Variants in TMEM132D observed in about 807,000 individuals in gnomAD.
TMEM132D encodes the protein mature OL transmembrane protein.
In TMEM132D, 21 loss-of-function variants were observed where a neutral mutation model predicts 62.3. The observed-to-expected ratio is 0.34, with a 90% CI of 0.24 to 0.49. The LOEUF is 0.49. Among genes scored for constraint, TMEM132D ranks in the 20% least tolerant of loss-of-function variants. The probability of loss-of-function intolerance (pLI) is 0.99; values close to 1 mark genes in which losing one functional copy is unlikely to be tolerated. For synonymous variants in TMEM132D, 621 were observed against 575.6 expected (o/e 1.08, Z -1.13); for missense variants, 1,346 against 1,402.8 (o/e 0.96, Z 0.65).
At chr12:129,493,631 C>T (rs2137061981) in intron 3 of TMEM132D, among the ~76,000 whole-genome samples, 1 of 152,320 alleles carries the variant, frequency 6.6e-6, no homozygotes, top group Non-Finnish European at 1.5e-5. Context: ...TACCAGCTGC[C>T]ATATAGATGG....
chr12:129,304,662 CTTTTT>C (rs35812965), intron 4 of TMEM132D, among the ~76,000 whole-genome samples: 1 of 93,606 alleles, frequency 1.1e-5, no homozygotes, highest in African/African-American at 4.1e-5. Flanking sequence ...ATACTTGGAT[CTTTTT>C]TTTTTTTTTT....
intron 1 of TMEM132D, among the ~76,000 whole-genome samples, chr12:129,864,160 C>G (rs1873986181): frequency 6.6e-6 from 1 of 152,072 alleles, no homozygotes; most frequent in Non-Finnish European, 1.5e-5. Context: ...ACTCAAGCAG[C>G]CCCGCAGAGT....
intron 2 of TMEM132D, among the ~76,000 whole-genome samples, chr12:129,650,230 G>C (rs772263439): frequency 1.3e-5 from 2 of 151,908 alleles, no homozygotes; most frequent in Non-Finnish European, 2.9e-5. Flanking sequence ...CCTATTGTAC[G>C]CATCTACCTG....
At chr12:129,537,622 C>A (rs542545266) in intron 2 of TMEM132D, among the ~76,000 whole-genome samples, 27 of 152,322 alleles carry the variant, frequency 1.8e-4, no homozygotes, top group Admixed American at 6.5e-4. Context: ...AGACCTGTGA[C>A]TTCAATGCAA....
At chr12:129,891,817 A>G (rs1340062592) in intron 1 of TMEM132D, among the ~76,000 whole-genome samples, 1 of 152,232 alleles carries the variant, frequency 6.6e-6, no homozygotes, top group Non-Finnish European at 1.5e-5. Context: ...ATGTAAACAC[A>G]TGAACTCGAA....
At chr12:129,159,072 T>A (rs1877325869) in intron 5 of TMEM132D, among the ~76,000 whole-genome samples, 1 of 152,180 alleles carries the variant, frequency 6.6e-6, no homozygotes, top group Non-Finnish European at 1.5e-5. Flanking sequence ...CAATTCCAGA[T>A]GAGATTTGGG....
chr12:129,734,692 T>C (rs1869362892), intron 1 of TMEM132D, among the ~76,000 whole-genome samples: 1 of 152,190 alleles, frequency 6.6e-6, no homozygotes, highest in Non-Finnish European at 1.5e-5. Context: ...GTTTAATTAA[T>C]TTAAAAAATT....
At chr12:129,264,910 TG>T (rs1269718296) in intron 4 of TMEM132D, among the ~76,000 whole-genome samples, 1 of 151,968 alleles carries the variant, frequency 6.6e-6, no homozygotes, top group Non-Finnish European at 1.5e-5. Context: ...TTTGGGAACT[TG>T]GGGGTAAGAG....
At chr12:129,441,948 T>C (rs1872948578) in intron 3 of TMEM132D, among the ~76,000 whole-genome samples, 3 of 152,072 alleles carry the variant, frequency 2.0e-5, no homozygotes. Flanking sequence ...CTCATGGACA[T>C]AAAGATGGCA....
At chr12:129,623,352 G>T (rs926539822) in intron 2 of TMEM132D, among the ~76,000 whole-genome samples, 3 of 152,092 alleles carry the variant, frequency 2.0e-5, no homozygotes, top group African/African-American at 7.2e-5. Context: ...ATATAGTGGT[G>T]AAGGCTGGGC....
chr12:129,735,898 CA>C (rs1205617115), intron 1 of TMEM132D, among the ~76,000 whole-genome samples: 1 of 152,168 alleles, frequency 6.6e-6, no homozygotes, highest in Non-Finnish European at 1.5e-5. Context: ...AGGCACAAAG[CA>C]AGGTGGAGAT....
At chr12:129,400,439 T>C (rs2135699963) in intron 3 of TMEM132D, among the ~76,000 whole-genome samples, 1 of 152,298 alleles carries the variant, frequency 6.6e-6, no homozygotes, top group African/African-American at 2.4e-5. Context: ...CCATGGTTTT[T>C]AGTTTCTGTC....
intron 5 of TMEM132D, among the ~76,000 whole-genome samples, chr12:129,122,679 G>A (rs113364295): frequency 6.6e-5 from 10 of 152,322 alleles, no homozygotes; most frequent in South Asian, 2.1e-4. Flanking sequence ...TCTGTGCTTC[G>A]TAAGACATGA....
intron 2 of TMEM132D, among the ~76,000 whole-genome samples, chr12:129,540,829 C>A (rs924114960): frequency 2.6e-5 from 4 of 152,096 alleles, no homozygotes; most frequent in African/African-American, 7.2e-5. Context: ...AAGATGGGGT[C>A]TCATTATGCT....
chr12:129,861,707 T>C (rs1873903850), intron 1 of TMEM132D, among the ~76,000 whole-genome samples: 1 of 149,578 alleles, frequency 6.7e-6, no homozygotes, highest in South Asian at 2.1e-4. Context: ...TGAGCCAAGA[T>C]TGCACCACTG....
intron 2 of TMEM132D, among the ~76,000 whole-genome samples, chr12:129,571,086 G>A (rs1255371672): frequency 2.0e-5 from 3 of 152,198 alleles, no homozygotes; most frequent in Admixed American, 6.5e-5. Flanking sequence ...CCATCTGAAT[G>A]TAGCCATACG....
At chr12:129,129,331 T>C (rs1252038143) in intron 5 of TMEM132D, among the ~76,000 whole-genome samples, 1 of 152,244 alleles carries the variant, frequency 6.6e-6, no homozygotes, top group East Asian at 1.9e-4. Context: ...ATTTCATTCT[T>C]TTTTATAGCT....
chr12:129,378,856 A>T lies in TMEM132D; in HGVS notation c.1116-41039T>A, dbSNP rs141293550. On this transcript the variant is annotated intron_variant, in intron 3 of 8. Coordinates refer to ENST00000422113, the MANE Select transcript of TMEM132D (RefSeq NM_133448.3). ...AGGAATGGCGGCCGTTGACGGTGTA[A>T]ATTTTGAAATGTCTTAAGCAGCTTC... Among the ~76,000 whole-genome samples, 439 of 152,270 alleles carry T rather than the reference A, an allele frequency of 2.9e-3. 3 individuals carry two copies. Among genetic ancestry groups the T allele is most frequent in the African/African-American group, 9.9e-3 (413 of 41,556 alleles).
At chr12:129,570,914 C>G (rs1481191398) in intron 2 of TMEM132D, among the ~76,000 whole-genome samples, 2 of 152,164 alleles carry the variant, frequency 1.3e-5, no homozygotes, top group South Asian at 2.1e-4. Context: ...AATGACTCGT[C>G]TGCTGTGGCT....
Sources: allele counts gnomAD v4.1 joint callset (sites outside exome capture counted in the v4.1 genomes callset), GRCh38; gene constraint gnomAD v4.1.1; transcripts MANE v1.5; gene names NCBI Gene and HGNC (gene_info 2026-07-23, HGNC 2026-07-21).